Variants in ARHGEF18 observed in about 807,000 individuals in gnomAD.
The protein encoded by ARHGEF18 is rho guanine nucleotide exchange factor 18.
In ARHGEF18, 93 loss-of-function variants were observed where a neutral mutation model predicts 155.7. That is an observed-to-expected ratio of 0.60 (90% CI 0.50 to 0.71). The LOEUF (loss-of-function observed/expected upper bound fraction) is 0.71, where lower values mean the gene tolerates loss of function less well. ARHGEF18 is among the 30% of genes least tolerant of loss of function. ARHGEF18 has a pLI of 0.00. For synonymous variants in ARHGEF18, 742 were observed against 753.1 expected (o/e 0.99, Z 0.24); for missense variants, 1,593 against 1,816.1 (o/e 0.88, Z 2.23).
At chr19:7,413,977 T>C (rs1399422893) in intron 10 of ARHGEF18, among the ~76,000 whole-genome samples, 1 of 152,162 alleles carries the variant, frequency 6.6e-6, no homozygotes, top group Non-Finnish European at 1.5e-5. Flanking sequence ...CAGACAGCTA[T>C]AGGGGTGGCT....
rs1322176956 is a variant in ARHGEF18 at position 7,468,962 on chromosome 19, G to C, written c.3618G>C (p.Glu1206Asp). The C allele has an allele frequency of 6.3e-7, 1 of 1,586,878 alleles. No homozygotes were observed. Among genetic ancestry groups the C allele is most frequent in the Non-Finnish European group, 8.6e-7 (1 of 1,168,144 alleles). ...CTCGCCGGGACAGCGCCCCCACCGA[G>C]AACCGGCTGGCCAAGAGCGATGTGC... is the stretch of plus-strand genomic sequence containing the variant. ...EVARRDSAPT[E>D]NRLAKSDVPI... The change falls in exon 27 of 29, where the codon GAG (glutamate) becomes GAC (aspartate). Residue 1206 changes from glutamate to aspartate, a missense_variant. Transcript: ENST00000668164.
At chr19:7,413,285 A>G (rs1236220229) in intron 10 of ARHGEF18, among the ~76,000 whole-genome samples, 1 of 148,040 alleles carries the variant, frequency 6.8e-6, no homozygotes, top group Non-Finnish European at 1.5e-5. Context: ...AAACACAAAA[A>G]ACAAAAAGCT....
chr19:7,455,890 G>A (rs1975795839), intron 17 of ARHGEF18, among the ~76,000 whole-genome samples: 1 of 152,158 alleles, frequency 6.6e-6, no homozygotes, highest in African/African-American at 2.4e-5. Flanking sequence ...TCACTATCAC[G>A]AGAACGGCAT....
intron 7 of ARHGEF18, 54 bp from the exon 8 acceptor site, chr19:7,380,863 G>C: frequency 8.6e-7 from 1 of 1,161,092 alleles, no homozygotes; most frequent in Non-Finnish European, 1.1e-6. Flanking sequence ...ACTGGGGTAG[G>C]TGAGTGGGAG....
intron 1 of ARHGEF18, among the ~76,000 whole-genome samples, chr19:7,356,744 G>A (rs901523835): frequency 1.1e-4 from 16 of 152,264 alleles, no homozygotes; most frequent in East Asian, 5.8e-4. Flanking sequence ...CCATATGAGC[G>A]CCTCCTGGTC....
chr19:7,456,709 C>A lies in ARHGEF18; in HGVS notation c.2181+306C>A, dbSNP rs773955705. Among the ~76,000 whole-genome samples, 131 of 152,284 alleles carry A rather than the reference C, an allele frequency of 8.6e-4. 2 individuals carry two copies. Among genetic ancestry groups the A allele is most frequent in the Middle Eastern group, 6.8e-3 (2 of 294 alleles). On this transcript the variant is annotated intron_variant, in intron 18 of 28. Coordinates refer to ENST00000668164, the MANE Select transcript of ARHGEF18 (RefSeq NM_001367823.1). ...TCCAGCAAGACTGCGCCACTGCTCT[C>A]CCGCCTGGGCAACAGAGCGAGACTC...
At chr19:7,401,391 TC>T (rs1296757231) in intron 10 of ARHGEF18, among the ~76,000 whole-genome samples, 1 of 152,066 alleles carries the variant, frequency 6.6e-6, no homozygotes, top group Admixed American at 6.6e-5. Context: ...GCTCAAGTGA[TC>T]CTCCCACCTC....
At chr19:7,464,789 G>A in intron 23 of ARHGEF18, 99 bp downstream of exon 23, 3 of 1,440,866 alleles carry the variant, frequency 2.1e-6, no homozygotes, top group East Asian at 2.4e-5. Context: ...AGTCTTATTA[G>A]CATCGACAAG....
At chr19:7,456,502 A>G in intron 18 of ARHGEF18, 99 bp downstream of exon 18, 1 of 1,110,010 alleles carries the variant, frequency 9.0e-7, no homozygotes, top group Admixed American at 1.7e-5. Flanking sequence ...AGATCACTTG[A>G]GGTCAAGAGT....
In ARHGEF18 at chr19:7,444,413, A is replaced by C. The variant is rs1331667547; in HGVS notation, c.1570A>C (p.Asn524His). Residue 524 changes from asparagine to histidine, a missense_variant, in exon 14 of 29, where the codon AAT (asparagine) becomes CAT (histidine). Physicochemically the swap from Asn to His is moderately conservative, Grantham distance 68. Transcript: ENST00000668164. The surrounding 1 kb of genome is among the most constrained non-coding windows in gnomAD (Gnocchi z 4.7). ...GTCCCTGGAGGAGGGCAGTGACCGG[A>C]ATTATGTCATCCAGAAAATCGGCGA... ...QESLEEGSDRNYVIQKIGDLL... is the reference protein window; with the variant it reads ...QESLEEGSDRHYVIQKIGDLL... 1.2e-6 allele frequency: 2 copies of C among 1,613,686 alleles called. No individual in the cohort carries two copies. Among genetic ancestry groups the C allele is most frequent in the Non-Finnish European group, 1.7e-6 (2 of 1,179,992 alleles).
chr19:7,464,426 C>T lies in ARHGEF18; in HGVS notation c.2774-134C>T, dbSNP rs115552782. 719 of 1,084,872 alleles carry T rather than the reference C, an allele frequency of 6.6e-4. 4 individuals carry two copies. The African/African-American group carries it at 8.5e-3, about 13-fold the overall frequency. The allele number at this position is 1,084,872 out of a possible 1,614,324, so 67.2% of individuals were successfully genotyped here. ...GACCAGCCTGCCCCTCTCCAGCAGG[C>T]GTCTGTGCTGCAGACGCCACCATTC... On this transcript the variant is annotated intron_variant, in intron 22 of 28. Coordinates refer to ENST00000668164, the MANE Select transcript of ARHGEF18 (RefSeq NM_001367823.1).
At chr19:7,466,646 T>C (rs763679577) in intron 23 of ARHGEF18, among the ~76,000 whole-genome samples, 66 of 150,726 alleles carry the variant, frequency 4.4e-4, no homozygotes, top group South Asian at 6.3e-4. Flanking sequence ...CTACTAAAAA[T>C]ACACAAAATT....
chr19:7,405,450 T>G (rs1192954648), intron 10 of ARHGEF18, among the ~76,000 whole-genome samples: 1 of 152,104 alleles, frequency 6.6e-6, no homozygotes, highest in Non-Finnish European at 1.5e-5. Flanking sequence ...AAATCGAAAT[T>G]TCATCCCGAG....
chr19:7,449,743 C>G (rs2145821151), intron 15 of ARHGEF18, among the ~76,000 whole-genome samples: 1 of 152,202 alleles, frequency 6.6e-6, no homozygotes, highest in East Asian at 1.9e-4. Context: ...ATGGAAGAAT[C>G]ATGGCTCACT....
At position 7,459,856 on chromosome 19, in the gene ARHGEF18, G is replaced by A. The variant is rs1261225803; in HGVS notation, c.2361-47G>A. The A allele has an allele frequency of 2.0e-6, 3 of 1,505,576 alleles. No homozygotes were observed. In the African/African-American group the frequency reaches 4.2e-5, roughly 21 times the overall value. The allele number at this position is 1,505,576 out of a possible 1,614,324, so 93.3% of individuals were successfully genotyped here. ...CAGAACCAGCGTCTGTGCCGAGGCT[G>A]GCCTGCCTGGGAAGCACAGTTACCC... On this transcript the variant is annotated intron_variant, in intron 19 of 28. Transcript: ENST00000668164.
chr19:7,355,951 CAGAA>C (rs1487018622), intron 1 of ARHGEF18, among the ~76,000 whole-genome samples: 4 of 152,180 alleles, frequency 2.6e-5, no homozygotes, highest in African/African-American at 9.7e-5. Flanking sequence ...GGTAAATTTG[CAGAA>C]AGAAAGTCCG....
At chr19:7,377,181 C>T (rs375242508) in intron 5 of ARHGEF18, among the ~76,000 whole-genome samples, 4 of 152,050 alleles carry the variant, frequency 2.6e-5, no homozygotes, top group East Asian at 1.9e-4. Context: ...TGCCCTTCTC[C>T]GGCCTCAGCC....
chr19:7,451,404 C>CATTTT, intron 16 of ARHGEF18, 138 bp downstream of exon 16: 1 of 377,182 alleles, frequency 2.7e-6, no homozygotes, highest in Non-Finnish European at 4.6e-6. Context: ...GGGTTCCTTC[C>CATTTT]TTTTTTTTTT....
chr19:7,455,650 A>G (rs1975781578), intron 17 of ARHGEF18, among the ~76,000 whole-genome samples: 1 of 152,160 alleles, frequency 6.6e-6, no homozygotes, highest in Non-Finnish European at 1.5e-5. Context: ...GAGATGTTGT[A>G]TTAGTCCGTG....
Sources: gnomAD v4.1 joint callset for allele counts (sites outside exome capture counted in the v4.1 genomes callset) on GRCh38, gnomAD v4.1.1 for gene constraint, Gnocchi (gnomAD v3.1) non-coding constraint, MANE v1.5 for transcripts, NCBI Gene and HGNC (gene_info 2026-07-23, HGNC 2026-07-21) for gene names.